The following PARD3B variants were observed in gnomAD, a reference collection of about 807,000 sequenced individuals.
The protein encoded by PARD3B is partitioning defective 3 homolog B.
PARD3B carries 103 observed loss-of-function variants against 130.2 expected under a neutral mutation model. The ratio of observed to expected loss-of-function variants is 0.79; its 90% CI spans 0.67 to 0.93. PARD3B has a LOEUF of 0.93. Ranked by LOEUF, PARD3B falls within the 40% of genes least tolerant of loss-of-function variation. PARD3B has a pLI of 0.00. For missense variants in PARD3B, 1,609 were observed against 1,499.2 expected (o/e 1.07, Z -1.21); for synonymous variants, 583 against 553.2 (o/e 1.05, Z -0.76).
chr2:205,381,907 C>T (rs749076003), intron 18 of PARD3B, among the ~76,000 whole-genome samples: 8 of 152,016 alleles, frequency 5.3e-5, no homozygotes, highest in Non-Finnish European at 1.2e-4. Flanking sequence ...CTTTCCTAAT[C>T]ATTTCTCTCC....
Position 205,440,561 on chromosome 2 carries a change from G to C in PARD3B, c.2933G>C (p.Gly978Ala). 1 of 1,614,028 alleles carries C rather than the reference G, an allele frequency of 6.2e-7. No homozygotes were observed. The highest frequency in any genetic ancestry group is 8.5e-7 in the Non-Finnish European group (1 of 1,179,976). ...AGATCTCCATCTCCCCCTCGAGCTG[G>C]ACCATTTGGTTACCCTCGGGATGGC... is the stretch of plus-strand genomic sequence containing the variant. ...VFRSPSPPRAGPFGYPRDGHP... is the reference protein window; with the variant it reads ...VFRSPSPPRAAPFGYPRDGHP... The change falls in exon 20 of 23, where the codon GGA (glycine) becomes GCA (alanine). Residue 978 changes from glycine to alanine, a missense_variant. Transcript: ENST00000406610. This position sits in a 1 kb window ranked among gnomAD's most constrained non-coding sequence, Gnocchi z 4.2.
chr2:205,045,742 G>A (rs992353762), intron 3 of PARD3B, among the ~76,000 whole-genome samples: 2 of 150,540 alleles, frequency 1.3e-5, no homozygotes, highest in Admixed American at 6.6e-5. Flanking sequence ...TCTCACACAC[G>A]CACACATACA....
intron 19 of PARD3B, among the ~76,000 whole-genome samples, chr2:205,426,203 A>G (rs1409086483): frequency 6.6e-6 from 1 of 152,152 alleles, no homozygotes; most frequent in African/African-American, 2.4e-5. Context: ...TGAAACATTG[A>G]TCACAAAGAT....
At position 205,529,359 on chromosome 2, in the gene PARD3B, G is replaced by A. The variant is rs147420015; in HGVS notation, c.3181-23965G>A. 4.5e-4 allele frequency among the ~76,000 whole-genome samples: 69 copies of A among 152,284 alleles called. No individual in the cohort carries two copies. In the East Asian group the frequency reaches 0.011, roughly 24 times the overall value. ...TATTTTTTAAAATGTAATTTGTCGG[G>A]TGTGACAACCAAGTCATCAGTTTAA... On this transcript the variant is annotated intron_variant, in intron 21 of 22. Transcript: ENST00000406610.
chr2:204,902,875 T>C (rs1188995903), intron 2 of PARD3B, among the ~76,000 whole-genome samples: 2 of 152,200 alleles, frequency 1.3e-5, no homozygotes, highest in African/African-American at 4.8e-5. Flanking sequence ...TCTTCTTCAG[T>C]GCATCTAGTT....
intron 11 of PARD3B, among the ~76,000 whole-genome samples, chr2:205,162,111 T>C (rs1227553313): frequency 1.3e-5 from 2 of 152,248 alleles, no homozygotes; most frequent in Non-Finnish European, 2.9e-5. Context: ...TAATAGAGGA[T>C]GTAAATCTCT....
intron 2 of PARD3B, among the ~76,000 whole-genome samples, chr2:204,894,818 T>G (rs1396492747): frequency 6.6e-6 from 1 of 152,000 alleles, no homozygotes; most frequent in Non-Finnish European, 1.5e-5. Context: ...ATGACATGGA[T>G]AAAATGAACT....
At chr2:205,224,615 C>T (rs1009998327) in intron 15 of PARD3B, among the ~76,000 whole-genome samples, 1 of 127,424 alleles carries the variant, frequency 7.8e-6, no homozygotes, top group African/African-American at 2.9e-5. Context: ...TATTCTCTAT[C>T]TCCATGACTT....
chr2:205,534,013 G>C lies in PARD3B; in HGVS notation c.3181-19311G>C, dbSNP rs187961977. 2.9e-3 allele frequency among the ~76,000 whole-genome samples: 432 copies of C among 147,254 alleles called. 3 individuals are homozygous for C. The highest frequency in any genetic ancestry group is 2.6e-3 in the Non-Finnish European group (173 of 67,138). On this transcript the variant is annotated intron_variant, in intron 21 of 22. Coordinates refer to ENST00000406610, the MANE Select transcript of PARD3B (RefSeq NM_001302769.2). ...GGGTTACTCTGTGCATTAATGTTTT[G>C]TCTTTGAGAAGGAAAAGAGATAAAA...
At chr2:205,069,270 T>C (rs1325277788) in intron 4 of PARD3B, among the ~76,000 whole-genome samples, 2 of 152,130 alleles carry the variant, frequency 1.3e-5, no homozygotes, top group Non-Finnish European at 2.9e-5. Flanking sequence ...TTGTTTTGGT[T>C]AGATTTTTTT....
In PARD3B at chr2:205,269,963, A is replaced by C. The variant is rs1253756483; in HGVS notation, c.2185+24141A>C. Reference sequence around the variant, plus strand: ...TTTTAAGGGACAACTTCAGACAATAATACCTAAATACATTAAAATGACTAA... The same window carrying C: ...TTTTAAGGGACAACTTCAGACAATACTACCTAAATACATTAAAATGACTAA... On this transcript the variant is annotated intron_variant, in intron 16 of 22. Transcript: ENST00000406610. The surrounding 1 kb of genome is among the most constrained non-coding windows in gnomAD (Gnocchi z 4.7). Among the ~76,000 whole-genome samples, 1 of 152,190 alleles carries C rather than the reference A, an allele frequency of 6.6e-6. No individual in the cohort carries two copies. Among genetic ancestry groups the C allele is most frequent in the Admixed American group, 6.5e-5 (1 of 15,268 alleles).
chr2:205,252,850 C>T (rs867685696), intron 16 of PARD3B, among the ~76,000 whole-genome samples: 5 of 101,090 alleles, frequency 4.9e-5, no homozygotes, highest in African/African-American at 7.3e-5. Flanking sequence ...CCCCCCCCCC[C>T]ACCAAAAAAA....
rs539761699 is a variant in PARD3B, at chr2:205,377,880, C to T, written c.2631-23133C>T. ...CCGTCTTCTGGGTTCAAGTGATTCT[C>T]CTGCCTCAGCCTCCCAAGTAGCTGG... On this transcript the variant is annotated intron_variant, in intron 18 of 22. Coordinates refer to ENST00000406610, the MANE Select transcript of PARD3B (RefSeq NM_001302769.2). 2.5e-4 allele frequency among the ~76,000 whole-genome samples: 38 copies of T among 150,034 alleles called. No homozygotes were observed. In the South Asian group the frequency reaches 7.7e-3, roughly 31 times the overall value.
chr2:205,190,751 C>T (rs2036350952), intron 14 of PARD3B, among the ~76,000 whole-genome samples: 1 of 152,166 alleles, frequency 6.6e-6, no homozygotes, highest in Non-Finnish European at 1.5e-5. Flanking sequence ...TGACACTAAA[C>T]CCACATCATC....
intron 3 of PARD3B, among the ~76,000 whole-genome samples, chr2:205,028,965 T>C (rs1697231281): frequency 6.6e-6 from 1 of 152,114 alleles, no homozygotes; most frequent in South Asian, 2.1e-4. Flanking sequence ...TGGGAATAGA[T>C]TGTAATCTGG....
chr2:204,625,142 A>G (rs2034444046), intron 1 of PARD3B, among the ~76,000 whole-genome samples: 1 of 152,134 alleles, frequency 6.6e-6, no homozygotes, highest in African/African-American at 2.4e-5. Flanking sequence ...CGGTTTGGAA[A>G]TATTTTTTTC....
chr2:204,807,086 A>G (rs556107447), intron 2 of PARD3B, among the ~76,000 whole-genome samples: 24 of 152,142 alleles, frequency 1.6e-4, no homozygotes, highest in African/African-American at 5.8e-4. Context: ...GTGCAGGGGA[A>G]CTGCCCTTTA....
At chr2:205,408,641 G>T (rs1249195548) in intron 19 of PARD3B, among the ~76,000 whole-genome samples, 2 of 152,082 alleles carry the variant, frequency 1.3e-5, no homozygotes, top group African/African-American at 4.8e-5. Context: ...ATGTATTAAA[G>T]AAACCAGAAG....
chr2:204,970,896 T>C (rs1032452154), intron 3 of PARD3B, among the ~76,000 whole-genome samples: 8 of 152,228 alleles, frequency 5.3e-5, no homozygotes, highest in African/African-American at 1.9e-4. Context: ...AAGTGATTCT[T>C]GTTTTTGAGA....
Sources: allele counts gnomAD v4.1 joint callset (sites outside exome capture counted in the v4.1 genomes callset), GRCh38; gene constraint gnomAD v4.1.1; non-coding constraint Gnocchi (gnomAD v3.1); transcripts MANE v1.5; gene names NCBI Gene and HGNC (gene_info 2026-07-23, HGNC 2026-07-21).